NLGN4X: variants seen among roughly 807,000 people sequenced by gnomAD.
The protein encoded by NLGN4X is neuroligin-4, X-linked.
A neutral mutation model predicts 40.3 loss-of-function variants in NLGN4X; 3 were observed. The ratio of observed to expected loss-of-function variants is 0.07; its 90% confidence interval spans 0.03 to 0.19. The LOEUF is 0.19. Among genes scored for constraint, NLGN4X ranks in the 10% least tolerant of loss-of-function variants. The pLI is 1.00. For missense variants in NLGN4X, 382 were observed against 708.3 expected (o/e 0.54, Z 5.23); for synonymous variants, 270 against 306.8 (o/e 0.88, Z 1.25).
chrX:6,053,507 T>A (rs747836785), intron 2 of NLGN4X, among the ~76,000 whole-genome samples: 1 of 111,024 alleles, frequency 9.0e-6, no homozygotes, highest in Admixed American at 9.7e-5. Context: ...TCAGATGGTA[T>A]ACAATCATCA....
intron 2 of NLGN4X, among the ~76,000 whole-genome samples, chrX:6,115,891 A>C: frequency 9.0e-6 from 1 of 111,476 alleles, no homozygotes; most frequent in East Asian, 2.8e-4. Flanking sequence ...GGAAGACACC[A>C]CCCAATTCTC....
At chrX:6,207,718 A>G (rs1283742285) in intron 1 of NLGN4X, among the ~76,000 whole-genome samples, 3 of 112,252 alleles carry the variant, frequency 2.7e-5, no homozygotes, top group Admixed American at 9.5e-5. Flanking sequence ...GGTGCTTCAA[A>G]TGAAATGAGG....
rs151216733 is a variant in NLGN4X at position 6,061,974 on chromosome X, C to T, written c.473-32542G>A. Among the ~76,000 whole-genome samples the T allele has an allele frequency of 2.7e-4, 30 of 111,668 alleles. No individual in the cohort carries two copies. In the East Asian group the frequency reaches 4.5e-3, roughly 17 times the overall value. ...CAGAACTCTCTTGATAATTTTATTC[C>T]GCCTCATAGCTTTAGATACCATCGA... is the stretch of plus-strand genomic sequence containing the variant. On this transcript the variant is annotated intron_variant, in intron 2 of 5. Transcript: ENST00000381095.
At position 6,219,473 on chromosome X, in the gene NLGN4X, C is replaced by G. The variant is rs1340294915; in HGVS notation, c.-306+9068G>C. On this transcript the variant is annotated intron_variant, in intron 1 of 5. Coordinates refer to ENST00000381095, the MANE Select transcript of NLGN4X (RefSeq NM_181332.3). ...TCCTTTCTTCTTTCCCTCCTTCCCT[C>G]CTTCTCTCCTTCCCTTCGATCTATC... 3.9e-5 allele frequency among the ~76,000 whole-genome samples: 4 copies of G among 103,666 alleles called. No individual in the cohort carries two copies. The Admixed American group carries it at 4.2e-4, about 11-fold the overall frequency. 90.0% of individuals were successfully genotyped at this position (103,666 alleles called of 115,157 possible). A position where few individuals can be genotyped will look rare whatever the true frequency, so the allele number is the denominator to read the frequency against.
chrX:6,228,269 T>C (rs1190280431), intron 1 of NLGN4X, among the ~76,000 whole-genome samples: 3 of 111,549 alleles, frequency 2.7e-5, no homozygotes, highest in Non-Finnish European at 5.6e-5. Flanking sequence ...TAAAACCAAA[T>C]ATTTCTGTGG....
At chrX:6,048,043 G>C (rs979674707) in intron 2 of NLGN4X, among the ~76,000 whole-genome samples, 1 of 111,609 alleles carries the variant, frequency 9.0e-6, no homozygotes, top group Non-Finnish European at 1.9e-5. Flanking sequence ...TGAAATTCCC[G>C]CTGTGCCCTG....
chrX:5,941,180 GGTGTGT>G (rs3220455), intron 3 of NLGN4X, among the ~76,000 whole-genome samples: 808 of 58,595 alleles, frequency 0.014, 36 homozygotes, highest in South Asian at 0.059. Context: ...TATGCTAGGG[GGTGTGT>G]GTGTGTGTGT....
Position 5,999,577 on chromosome X carries a change from C to T in NLGN4X, c.625+29703G>A, listed in dbSNP as rs773804314. Among the ~76,000 whole-genome samples, 26 of 112,253 alleles carry T rather than the reference C, an allele frequency of 2.3e-4. No homozygotes were observed. In the South Asian group the frequency reaches 7.1e-3, roughly 31 times the overall value. ...TTCTGGCTCTCACAAACTAGAATCA[C>T]TTACCTCTTAAAAAAACTAAGGTTG... On this transcript the variant is annotated intron_variant, in intron 3 of 5. Coordinates refer to ENST00000381095, the MANE Select transcript of NLGN4X (RefSeq NM_181332.3).
At chrX:6,093,879 C>T (rs961367827) in intron 2 of NLGN4X, among the ~76,000 whole-genome samples, 1 of 111,303 alleles carries the variant, frequency 9.0e-6, no homozygotes, top group Non-Finnish European at 1.9e-5. Context: ...ATGCCACATA[C>T]GTTCTTTAAA....
intron 2 of NLGN4X, among the ~76,000 whole-genome samples, chrX:6,079,676 C>T (rs188171171): frequency 8.6e-4 from 97 of 112,268 alleles, no homozygotes; most frequent in African/African-American, 2.9e-3. Flanking sequence ...GAACCCATAT[C>T]CCAAAGCACA....
chrX:6,089,325 A>G (rs2038578573), intron 2 of NLGN4X, among the ~76,000 whole-genome samples: 4 of 111,922 alleles, frequency 3.6e-5, no homozygotes, highest in South Asian at 7.4e-4. Flanking sequence ...AACATTTGAT[A>G]TCGCCCTTTA....
chrX:5,952,561 TGTTA>T (rs955529164), intron 3 of NLGN4X, among the ~76,000 whole-genome samples: 22 of 111,307 alleles, frequency 2.0e-4, no homozygotes, highest in African/African-American at 6.5e-4. Context: ...TAGACTTTAG[TGTTA>T]GTTATTCGAA....
intron 2 of NLGN4X, among the ~76,000 whole-genome samples, chrX:6,095,171 G>C (rs1190844790): frequency 1.9e-5 from 2 of 106,059 alleles, no homozygotes; most frequent in Non-Finnish European, 3.9e-5. Flanking sequence ...ATGTTGCTAA[G>C]TGCATAAATA....
intron 1 of NLGN4X, among the ~76,000 whole-genome samples, chrX:6,217,784 C>A (rs1925214550): frequency 9.0e-6 from 1 of 111,453 alleles, no homozygotes; most frequent in South Asian, 3.8e-4. Context: ...GTTACCCTTT[C>A]TCCCTGGGTC....
intron 3 of NLGN4X, among the ~76,000 whole-genome samples, chrX:5,992,590 T>C (rs1209386957): frequency 9.0e-6 from 1 of 111,280 alleles, no homozygotes; most frequent in African/African-American, 3.3e-5. Flanking sequence ...GAGCAAGACC[T>C]TGTCTCTAAT....
intron 2 of NLGN4X, among the ~76,000 whole-genome samples, chrX:6,031,244 A>T (rs1002580469): frequency 3.6e-5 from 4 of 111,860 alleles, no homozygotes; most frequent in Admixed American, 1.9e-4. Flanking sequence ...GAGCAGTATA[A>T]GATATGAGAC....
chrX:6,053,491 C>T (rs947356792), intron 2 of NLGN4X, among the ~76,000 whole-genome samples: 5 of 110,748 alleles, frequency 4.5e-5, no homozygotes, highest in Non-Finnish European at 9.4e-5. Flanking sequence ...ATGGGTTTCT[C>T]AGCGCTCAGA....
chrX:6,039,026 G>A (rs771240529), intron 2 of NLGN4X, among the ~76,000 whole-genome samples: 1 of 111,192 alleles, frequency 9.0e-6, no homozygotes, highest in Non-Finnish European at 1.9e-5. Context: ...GAATTACAGG[G>A]TGTAGTCCAC....
At chrX:5,931,178 T>G (rs746059945) in intron 3 of NLGN4X, among the ~76,000 whole-genome samples, 2 of 112,258 alleles carry the variant, frequency 1.8e-5, no homozygotes, top group South Asian at 3.7e-4. Context: ...AGTCTTTGGT[T>G]AAAAATTCAT....
Sources: gnomAD v4.1 joint callset for allele counts (sites outside exome capture counted in the v4.1 genomes callset) on GRCh38, gnomAD v4.1.1 for gene constraint, MANE v1.5 for transcripts, NCBI Gene and HGNC (gene_info 2026-07-23, HGNC 2026-07-21) for gene names.